Variants in UVRAG observed in about 807,000 individuals in gnomAD.
The protein encoded by UVRAG is UV radiation resistance-associated gene protein.
A neutral mutation model predicts 78.0 loss-of-function variants in UVRAG; 19 were observed. The observed-to-expected ratio is 0.24, with a 90% CI of 0.17 to 0.36. The LOEUF (loss-of-function observed/expected upper bound fraction) is 0.36. Ranked by LOEUF, UVRAG falls within the 10% of genes least tolerant of loss-of-function variation. The pLI, the probability that UVRAG is intolerant of heterozygous loss-of-function variation, is 1.00. For synonymous variants in UVRAG, 323 were observed against 324.6 expected (o/e 1.00, Z 0.05); for missense variants, 740 against 853.8 (o/e 0.87, Z 1.66).
At chr11:76,031,673 T>G (rs1190348662) in intron 12 of UVRAG, among the ~76,000 whole-genome samples, 1 of 152,188 alleles carries the variant, frequency 6.6e-6, no homozygotes, top group African/African-American at 2.4e-5. Flanking sequence ...TTTCTAGTTT[T>G]CGGTATACTC....
chr11:76,015,305 C>A (rs528970363), intron 11 of UVRAG, among the ~76,000 whole-genome samples: 2 of 152,026 alleles, frequency 1.3e-5, no homozygotes, highest in Non-Finnish European at 2.9e-5. Context: ...AGTTTGAGGT[C>A]GGCCTGGGCA....
rs199596890 is a variant in UVRAG at position 75,828,731 on chromosome 11, GTA to G, written c.117+13222_117+13223del. The stretch of plus-strand genomic sequence containing the variant: ...TATATGTGTATATATATGTGTGTGT[GTA>G]TATATATATATATACACACACATAT... On this transcript the variant is annotated intron_variant, in intron 1 of 14. Coordinates refer to ENST00000356136, the MANE Select transcript of UVRAG (RefSeq NM_003369.4). 4.2e-3 allele frequency among the ~76,000 whole-genome samples: 465 copies of G among 110,752 alleles called. 2 individuals are homozygous for G. The highest frequency in any genetic ancestry group is 0.011 in the Middle Eastern group (2 of 180). The allele number at this position is 110,752 out of a possible 152,430, so 72.7% of individuals were successfully genotyped here. A position where few individuals can be genotyped will look rare whatever the true frequency, so the allele number is the denominator to read the frequency against.
chr11:76,134,467 A>G (rs965922262), intron 14 of UVRAG, among the ~76,000 whole-genome samples: 1 of 151,966 alleles, frequency 6.6e-6, no homozygotes, highest in Non-Finnish European at 1.5e-5. Flanking sequence ...TAGCTCCCTG[A>G]TGTACAGAAG....
At chr11:76,021,054 G>A (rs539102383) in intron 12 of UVRAG, among the ~76,000 whole-genome samples, 10 of 152,264 alleles carry the variant, frequency 6.6e-5, no homozygotes, top group African/African-American at 1.2e-4. Flanking sequence ...TCCCTCAAGA[G>A]CACAGATGCT....
intron 12 of UVRAG, among the ~76,000 whole-genome samples, chr11:76,026,359 A>G (rs1225123294): frequency 2.0e-5 from 3 of 152,184 alleles, no homozygotes; most frequent in Non-Finnish European, 4.4e-5. Context: ...AGAATTACAT[A>G]TTCCTTCCTA....
intron 12 of UVRAG, among the ~76,000 whole-genome samples, chr11:76,058,736 A>G (rs539524801): frequency 2.0e-5 from 3 of 152,236 alleles, no homozygotes; most frequent in East Asian, 1.9e-4. Flanking sequence ...GGAAACAACT[A>G]CCAATCAATC....
intron 11 of UVRAG, among the ~76,000 whole-genome samples, chr11:76,015,454 T>G (rs1398938354): frequency 3.3e-5 from 5 of 152,216 alleles, no homozygotes; most frequent in Admixed American, 6.5e-5. Context: ...TGTATTACTT[T>G]GGAAGGATTC....
intron 3 of UVRAG, among the ~76,000 whole-genome samples, chr11:75,869,645 A>T (rs1316782585): frequency 3.9e-5 from 6 of 152,360 alleles, no homozygotes; most frequent in African/African-American, 1.4e-4. Flanking sequence ...AAAACATGTA[A>T]AAGTGTTATT....
At chr11:75,944,553 T>C (rs938073017) in intron 6 of UVRAG, among the ~76,000 whole-genome samples, 1 of 152,160 alleles carries the variant, frequency 6.6e-6, no homozygotes, top group Non-Finnish European at 1.5e-5. Flanking sequence ...AAATGTTTAT[T>C]CAGTACTGCA....
At chr11:76,089,712 A>T (rs926386048) in intron 13 of UVRAG, among the ~76,000 whole-genome samples, 4 of 152,228 alleles carry the variant, frequency 2.6e-5, no homozygotes, top group African/African-American at 9.6e-5. Context: ...CAACAATCTT[A>T]GCAGATTATG....
At chr11:75,911,728 T>C in intron 5 of UVRAG, 1 of 386,710 alleles carries the variant, frequency 2.6e-6, no homozygotes, top group Non-Finnish European at 4.7e-6. Flanking sequence ...GCGCGCTCCT[T>C]CTCCACTCTT....
chr11:75,841,548 T>C (rs1347303324), intron 1 of UVRAG, among the ~76,000 whole-genome samples: 1 of 152,174 alleles, frequency 6.6e-6, no homozygotes, highest in Non-Finnish European at 1.5e-5. Context: ...AAAAAACTGG[T>C]AATATGGTTT....
At chr11:75,824,821 C>T (rs1945476092) in intron 1 of UVRAG, among the ~76,000 whole-genome samples, 1 of 151,712 alleles carries the variant, frequency 6.6e-6, no homozygotes, top group Non-Finnish European at 1.5e-5. Context: ...CTACAGGCGC[C>T]TGCCACCACG....
At chr11:75,978,615 A>G (rs573560817) in intron 7 of UVRAG, among the ~76,000 whole-genome samples, 21 of 152,236 alleles carry the variant, frequency 1.4e-4, no homozygotes, top group African/African-American at 5.1e-4. Flanking sequence ...CATTTCATTC[A>G]TTTGATCTTC....
At chr11:75,883,557 G>T (rs922066817) in intron 4 of UVRAG, among the ~76,000 whole-genome samples, 1 of 152,088 alleles carries the variant, frequency 6.6e-6, no homozygotes, top group Non-Finnish European at 1.5e-5. Context: ...GATGTTTTAG[G>T]ATAATAGCCA....
At chr11:76,101,160 T>A (rs1227965866) in intron 13 of UVRAG, among the ~76,000 whole-genome samples, 1 of 152,158 alleles carries the variant, frequency 6.6e-6, no homozygotes, top group East Asian at 1.9e-4. Context: ...GTACTTTTGT[T>A]TTTAGCTCTT....
intron 13 of UVRAG, among the ~76,000 whole-genome samples, chr11:76,069,605 A>G (rs1379839188): frequency 6.6e-6 from 1 of 152,248 alleles, no homozygotes; most frequent in African/African-American, 2.4e-5. Context: ...AACAAAAATT[A>G]TAATACTTTT....
At chr11:75,899,991 G>T (rs1287793676) in intron 5 of UVRAG, among the ~76,000 whole-genome samples, 1 of 152,160 alleles carries the variant, frequency 6.6e-6, no homozygotes, top group Non-Finnish European at 1.5e-5. Context: ...CCCTGCTGCT[G>T]CAGTGTGGTC....
intron 11 of UVRAG, among the ~76,000 whole-genome samples, chr11:76,015,492 T>C (rs949933482): frequency 4.6e-5 from 7 of 152,178 alleles, no homozygotes; most frequent in African/African-American, 1.7e-4. Context: ...AGTTTGTTTA[T>C]CTGTAAAAGG....
Sources: allele counts gnomAD v4.1 joint callset (sites outside exome capture counted in the v4.1 genomes callset), GRCh38; gene constraint gnomAD v4.1.1; transcripts MANE v1.5; gene names NCBI Gene and HGNC (gene_info 2026-07-23, HGNC 2026-07-21).